TSHR: variants seen among roughly 807,000 people sequenced by gnomAD.
The protein encoded by TSHR is thyroid stimulating hormone receptor.
In TSHR, 51 loss-of-function variants were observed where a neutral mutation model predicts 64.1. The ratio of observed to expected loss-of-function variants is 0.80; its 90% confidence interval spans 0.64 to 1.01. TSHR has a LOEUF of 1.01. Ranked by LOEUF, TSHR falls within the 50% of genes least tolerant of loss-of-function variation. The pLI is 0.00. For synonymous variants in TSHR, 361 were observed against 361.9 expected, an observed-to-expected ratio of 1.00 and a Z score of 0.03; for missense variants, 877 against 942.8, an observed-to-expected ratio of 0.93 and a Z score of 0.91.
intron 1 of TSHR, among the ~76,000 whole-genome samples, chr14:81,044,677 C>T (rs930945004): frequency 4.4e-5 from 6 of 135,450 alleles, no homozygotes; most frequent in Admixed American, 2.9e-4. Context: ...AAAAAAAACA[C>T]ACACACACAT....
At chr14:81,073,043 TATATATAA>T (rs1887234303) in intron 3 of TSHR, among the ~76,000 whole-genome samples, 1 of 118,612 alleles carries the variant, frequency 8.4e-6, no homozygotes, top group Non-Finnish European at 1.6e-5. Flanking sequence ...TATATATATA[TATATATAA>T]AATGCACACA....
At chr14:81,050,947 T>C (rs1015062471) in intron 1 of TSHR, 2 of 152,210 alleles carry the variant, frequency 1.3e-5, no homozygotes, top group Non-Finnish European at 2.9e-5. Context: ...TATAAAATTA[T>C]GTTTACACTA....
At chr14:80,982,474 T>C (rs1394294551) in intron 1 of TSHR, 2 of 1,084,892 alleles carry the variant, frequency 1.8e-6, no homozygotes, top group Non-Finnish European at 2.5e-6. Context: ...CAAACCTAGG[T>C]CTGGGGCTGA....
chr14:80,991,837 G>A, intron 1 of TSHR: 1 of 361,476 alleles, frequency 2.8e-6, no homozygotes. Context: ...GTCTCTTGAT[G>A]CTAAAGTGAT....
At chr14:80,956,924 GA>G (rs1886725059) in intron 1 of TSHR, among the ~76,000 whole-genome samples, 1 of 152,158 alleles carries the variant, frequency 6.6e-6, no homozygotes, top group South Asian at 2.1e-4. Flanking sequence ...CACAGAATAA[GA>G]TGTGTAAAAG....
At position 81,108,222 on chromosome 14, in the gene TSHR, G is replaced by A. The variant is rs1890025505; in HGVS notation, c.615-153G>A. ...ACAATTGAAACCTAGAATGTTTTAA[G>A]TGCTCAAGCCAGAAGAAGATAAAGT... On this transcript the variant is annotated intron_variant, in intron 7 of 9. Coordinates refer to ENST00000298171, the MANE Select transcript of TSHR (RefSeq NM_000369.5). 3 of 671,938 alleles carry A rather than the reference G, an allele frequency of 4.5e-6. No homozygotes were observed. In the African/African-American group the frequency reaches 5.4e-5, roughly 12 times the overall value. The allele number at this position is 671,938 out of a possible 1,614,324, so 41.6% of individuals were successfully genotyped here.
At chr14:81,073,909 T>C (rs1013624360) in intron 3 of TSHR, among the ~76,000 whole-genome samples, 3 of 152,130 alleles carry the variant, frequency 2.0e-5, no homozygotes, top group Admixed American at 6.5e-5. Flanking sequence ...CTCATATCCA[T>C]TTATCAAACC....
intron 2 of TSHR, among the ~76,000 whole-genome samples, chr14:81,066,091 G>A (rs949170061): frequency 1.4e-4 from 22 of 152,132 alleles, no homozygotes; most frequent in Admixed American, 1.4e-3. Flanking sequence ...ATTCCTGCCA[G>A]TTGTCTTCAC....
chr14:81,081,047 C>T (rs574400874), intron 3 of TSHR, among the ~76,000 whole-genome samples: 3 of 152,218 alleles, frequency 2.0e-5, no homozygotes, highest in South Asian at 4.2e-4. Flanking sequence ...CGCAGAGGCA[C>T]GAACCTTTAG....
intron 7 of TSHR, chr14:81,104,410 G>A (rs1337847897): frequency 1.0e-6 from 1 of 985,290 alleles, no homozygotes; most frequent in African/African-American, 1.7e-5. Flanking sequence ...CCATCTTGGA[G>A]CTGCAATGTA....
chr14:80,969,990 T>C (rs1887513436), intron 1 of TSHR, among the ~76,000 whole-genome samples: 1 of 152,226 alleles, frequency 6.6e-6, no homozygotes, highest in Non-Finnish European at 1.5e-5. Flanking sequence ...AAAAGAATGA[T>C]TGCTATAATG....
At chr14:81,125,057 G>C (rs1339135422) in intron 8 of TSHR, among the ~76,000 whole-genome samples, 2 of 152,104 alleles carry the variant, frequency 1.3e-5, no homozygotes, top group Non-Finnish European at 2.9e-5. Flanking sequence ...CACAGCCTCT[G>C]CTTTAAAAAG....
Position 81,108,927 on chromosome 14 carries a change from T to C in TSHR, c.692+475T>C, listed in dbSNP as rs535354840. On this transcript the variant is annotated intron_variant, in intron 8 of 9. Coordinates refer to ENST00000298171, the MANE Select transcript of TSHR (RefSeq NM_000369.5). The stretch of plus-strand genomic sequence containing the variant: ...CATGGGGAAAGATGGAATAAAAACA[T>C]TTTTTAAACAGCATGAAAACATACC... The C allele has an allele frequency of 6.0e-5, 84 of 1,390,248 alleles. 1 individual carries two copies. In the South Asian group the frequency reaches 6.8e-4, roughly 11 times the overall value. 86.1% of individuals were successfully genotyped at this position (1,390,248 alleles called of 1,614,324 possible).
At chr14:80,960,116 A>T (rs954067399) in intron 1 of TSHR, among the ~76,000 whole-genome samples, 5 of 152,248 alleles carry the variant, frequency 3.3e-5, no homozygotes, top group Non-Finnish European at 7.3e-5. Context: ...ACAATCTGGC[A>T]CGGTGTCCTT....
In TSHR at chr14:81,143,561, T is replaced by A. The variant is rs1183226716; in HGVS notation, c.1503T>A (p.Thr501=). Residue 501 remains threonine, a synonymous_variant, in exon 10 of 10, where the codon ACT becomes ACA. Transcript: ENST00000298171. ...GPGCNTAGFF[T]VFASELSVYT... is the part of the protein sequence containing the mutation. ...GGTGCAACACGGCTGGTTTCTTCAC[T>A]GTCTTTGCAAGCGAGTTATCGGTGT... 4.3e-6 allele frequency: 7 copies of A among 1,613,202 alleles called. No individual in the cohort carries two copies. In the Admixed American group the frequency reaches 5.0e-5, roughly 12 times the overall value.
intron 4 of TSHR, among the ~76,000 whole-genome samples, chr14:81,090,858 G>C (rs1888676197): frequency 6.6e-6 from 1 of 152,154 alleles, no homozygotes; most frequent in Non-Finnish European, 1.5e-5. Context: ...CAGTGGACTG[G>C]ATTAAATTAT....
chr14:80,979,852 C>T (rs1341280148), intron 1 of TSHR, among the ~76,000 whole-genome samples: 2 of 152,060 alleles, frequency 1.3e-5, no homozygotes, highest in Non-Finnish European at 2.9e-5. Flanking sequence ...TTTTTTTCCA[C>T]CTGAATGGAA....
At chr14:81,109,102 T>C (rs1240888584) in intron 8 of TSHR, among the ~76,000 whole-genome samples, 3 of 152,104 alleles carry the variant, frequency 2.0e-5, no homozygotes, top group African/African-American at 7.2e-5. Context: ...GAGCATCCAC[T>C]CTAGTCCTTG....
chr14:81,115,788 G>T (rs1028070404), intron 8 of TSHR, among the ~76,000 whole-genome samples: 10 of 151,886 alleles, frequency 6.6e-5, no homozygotes, highest in African/African-American at 2.4e-4. Context: ...GAGAAAGGTC[G>T]GGTTACCCTC....
Sources: allele counts gnomAD v4.1 joint callset (sites outside exome capture counted in the v4.1 genomes callset), GRCh38; gene constraint gnomAD v4.1.1; transcripts MANE v1.5; gene names NCBI Gene and HGNC (gene_info 2026-07-23, HGNC 2026-07-21).